Variants in CDH13 observed in about 807,000 individuals in gnomAD.
CDH13 encodes the protein cadherin-13.
In CDH13, 24 loss-of-function variants were observed where a neutral mutation model predicts 63.8. That is an observed-to-expected ratio of 0.38 (90% CI 0.27 to 0.53). The LOEUF (loss-of-function observed/expected upper bound fraction) is 0.53, where lower values mean the gene tolerates loss of function less well. Among genes scored for constraint, CDH13 ranks in the 20% least tolerant of loss-of-function variants. CDH13 has a pLI of 0.85. For missense variants in CDH13, 1,049 were observed against 903.1 expected, an observed-to-expected ratio of 1.16 and a Z score of -2.07; for synonymous variants, 503 against 355.3, an observed-to-expected ratio of 1.42 and a Z score of -4.67.
At chr16:83,514,921 G>A (rs4476163) in intron 7 of CDH13, among the ~76,000 whole-genome samples, 86,638 of 151,908 alleles carry the variant, frequency 0.57, 25,306 homozygotes, top group African/African-American at 0.69. Flanking sequence ...CCTCCGGTTT[G>A]TGACGTGTAG....
chr16:82,805,100 A>G (rs1443180379), intron 1 of CDH13, among the ~76,000 whole-genome samples: 1 of 152,130 alleles, frequency 6.6e-6, no homozygotes, highest in African/African-American at 2.4e-5. Flanking sequence ...GAGAGTGTGG[A>G]CTTGCTTTTC....
rs553977300 is a variant in CDH13, at chr16:83,561,049, C to G, written c.961-41405C>G. 2.0e-5 allele frequency among the ~76,000 whole-genome samples: 3 copies of G among 152,330 alleles called. No individual in the cohort carries two copies. The South Asian group carries it at 6.2e-4, about 32-fold the overall frequency. Reference sequence around the variant, plus strand: ...TTTTTCTTAATTATTTAATTCTCCTCTCAGACCTTCTGTGACTCCCAAACC... The same window carrying G: ...TTTTTCTTAATTATTTAATTCTCCTGTCAGACCTTCTGTGACTCCCAAACC... On this transcript the variant is annotated intron_variant, in intron 7 of 13. Transcript: ENST00000567109.
intron 3 of CDH13, among the ~76,000 whole-genome samples, chr16:83,074,183 A>G (rs1400990232): frequency 2.0e-5 from 3 of 152,056 alleles, no homozygotes; most frequent in Non-Finnish European, 4.4e-5. Flanking sequence ...TCTGGTAACC[A>G]CCATTGCGCT....
At chr16:83,426,509 T>TCACACACA (rs10545707) in intron 6 of CDH13, among the ~76,000 whole-genome samples, 1,936 of 146,584 alleles carry the variant, frequency 0.013, 22 homozygotes, top group Middle Eastern at 0.021. Flanking sequence ...ATGGAAACAA[T>TCACACACA]CACACACACA....
At chr16:82,854,532 G>A (rs2039614802) in intron 1 of CDH13, among the ~76,000 whole-genome samples, 1 of 152,074 alleles carries the variant, frequency 6.6e-6, no homozygotes, top group Non-Finnish European at 1.5e-5. Context: ...ATTTTTAAAT[G>A]CAGTTTTGTA....
chr16:83,204,735 C>T (rs1302039151), intron 4 of CDH13, among the ~76,000 whole-genome samples: 1 of 152,212 alleles, frequency 6.6e-6, no homozygotes, highest in African/African-American at 2.4e-5. Context: ...ATCAAAAAAA[C>T]AAAAGCTTGA....
intron 4 of CDH13, among the ~76,000 whole-genome samples, chr16:83,126,734 G>T (rs1041811733): frequency 6.6e-6 from 1 of 152,130 alleles, no homozygotes; most frequent in African/African-American, 2.4e-5. Flanking sequence ...GAAAAATGGT[G>T]GTTGGTTAAA....
chr16:83,676,200 T>C (rs938542001), intron 9 of CDH13, among the ~76,000 whole-genome samples: 3 of 152,190 alleles, frequency 2.0e-5, no homozygotes, highest in African/African-American at 7.2e-5. Flanking sequence ...GTCTCACTTG[T>C]CAGCAGATGG....
chr16:82,964,550 T>A (rs1907529414), intron 2 of CDH13, among the ~76,000 whole-genome samples: 3 of 152,188 alleles, frequency 2.0e-5, no homozygotes, highest in Admixed American at 6.5e-5. Context: ...CTTGTTTCCA[T>A]CCGCCACGTG....
Position 82,964,553 on chromosome 16 carries a change from G to A in CDH13, c.158-67457G>A, listed in dbSNP as rs373079712. 1.9e-4 allele frequency among the ~76,000 whole-genome samples: 29 copies of A among 152,246 alleles called. No individual in the cohort carries two copies. In the East Asian group the frequency reaches 2.5e-3, roughly 13 times the overall value. ...TAAAGGCCATGGCTTGTTTCCATCCGCCACGTGGATTTAAGTGGGTGAGCT... is the reference window on the plus strand; with the variant it reads ...TAAAGGCCATGGCTTGTTTCCATCCACCACGTGGATTTAAGTGGGTGAGCT... On this transcript the variant is annotated intron_variant, in intron 2 of 13. Coordinates refer to ENST00000567109, the MANE Select transcript of CDH13 (RefSeq NM_001257.5).
At chr16:83,033,019 A>G (rs72794193) in intron 3 of CDH13, among the ~76,000 whole-genome samples, 19,020 of 152,200 alleles carry the variant, frequency 0.12, 1,255 homozygotes, top group African/African-American at 0.17. Flanking sequence ...ATGTATGTAT[A>G]TGGTGCTGTA....
At chr16:83,440,120 G>T (rs1208633566) in intron 6 of CDH13, among the ~76,000 whole-genome samples, 1 of 152,216 alleles carries the variant, frequency 6.6e-6, no homozygotes. Flanking sequence ...TAAGGATGGA[G>T]AATGGCTTGT....
At chr16:83,533,862 C>A (rs1485934792) in intron 7 of CDH13, among the ~76,000 whole-genome samples, 1 of 152,084 alleles carries the variant, frequency 6.6e-6, no homozygotes, top group African/African-American at 2.4e-5. Context: ...CCCAAGTGAT[C>A]CGCCCACCTC....
intron 1 of CDH13, among the ~76,000 whole-genome samples, chr16:82,762,629 A>G (rs1392706360): frequency 6.6e-6 from 1 of 152,174 alleles, no homozygotes; most frequent in Non-Finnish European, 1.5e-5. Flanking sequence ...TGGCTGGGTC[A>G]CTGCTTCCAT....
At chr16:83,572,150 G>C (rs1000563232) in intron 7 of CDH13, among the ~76,000 whole-genome samples, 2 of 148,284 alleles carry the variant, frequency 1.3e-5, no homozygotes, top group African/African-American at 5.0e-5. Context: ...TTGATAACTA[G>C]GTATTTTTTA....
chr16:83,404,591 A>G (rs1425749694), intron 6 of CDH13, among the ~76,000 whole-genome samples: 1 of 152,228 alleles, frequency 6.6e-6, no homozygotes. Flanking sequence ...ACCATATGGC[A>G]TAGATGTGTG....
chr16:82,730,881 A>C (rs2033366149), intron 1 of CDH13, among the ~76,000 whole-genome samples: 1 of 152,226 alleles, frequency 6.6e-6, no homozygotes, highest in Non-Finnish European at 1.5e-5. Flanking sequence ...AGCTATCATT[A>C]AAAATTAAAT....
At chr16:83,027,300 A>G (rs985582832) in intron 2 of CDH13, among the ~76,000 whole-genome samples, 2 of 152,180 alleles carry the variant, frequency 1.3e-5, no homozygotes, top group African/African-American at 4.8e-5. Context: ...CAAAAAACAA[A>G]TACATAATAT....
intron 5 of CDH13, among the ~76,000 whole-genome samples, chr16:83,301,507 G>C (rs946522932): frequency 2.0e-5 from 3 of 152,114 alleles, no homozygotes; most frequent in African/African-American, 7.2e-5. Flanking sequence ...TGTCAGGGCT[G>C]TGTGGCTGTT....
Sources: allele counts gnomAD v4.1 joint callset (sites outside exome capture counted in the v4.1 genomes callset), GRCh38; gene constraint gnomAD v4.1.1; transcripts MANE v1.5; gene names NCBI Gene and HGNC (gene_info 2026-07-23, HGNC 2026-07-21).